STK32A: variants seen among roughly 807,000 people sequenced by gnomAD.
STK32A encodes the protein serine/threonine kinase 32A.
In STK32A, 41 loss-of-function variants were observed where a neutral mutation model predicts 53.2. That is an observed-to-expected ratio of 0.77 (90% CI 0.60 to 1.00). The LOEUF is 1.00. STK32A is among the 50% of genes least tolerant of loss of function. The probability of loss-of-function intolerance (pLI) is 0.00; values close to 1 mark genes in which losing one functional copy is unlikely to be tolerated. For missense variants in STK32A, 458 were observed against 485.8 expected (o/e 0.94, Z 0.54); for synonymous variants, 166 against 162.8 (o/e 1.02, Z -0.15).
At chr5:147,352,664 A>T (rs1756039139) in intron 7 of STK32A, among the ~76,000 whole-genome samples, 1 of 152,220 alleles carries the variant, frequency 6.6e-6, no homozygotes, top group Non-Finnish European at 1.5e-5. Context: ...GAGTGACTGC[A>T]AGAAAAGATA....
At chr5:147,311,550 C>G (rs1258322722) in intron 4 of STK32A, among the ~76,000 whole-genome samples, 1 of 152,040 alleles carries the variant, frequency 6.6e-6, no homozygotes, top group Admixed American at 6.5e-5. Flanking sequence ...AGCCATCTGC[C>G]ACTAGATTTC....
intron 5 of STK32A, among the ~76,000 whole-genome samples, chr5:147,331,512 A>G (rs1754871816): frequency 6.6e-6 from 1 of 152,184 alleles, no homozygotes; most frequent in Admixed American, 6.5e-5. Context: ...AGTGCTGTTT[A>G]CCAAATAGCA....
intron 2 of STK32A, among the ~76,000 whole-genome samples, chr5:147,274,798 C>A (rs542748897): frequency 6.6e-6 from 1 of 152,010 alleles, no homozygotes; most frequent in African/African-American, 2.4e-5. Context: ...GAAGCATAGA[C>A]GTAAATTTCC....
chr5:147,365,130 C>T (rs939956260), intron 8 of STK32A, among the ~76,000 whole-genome samples: 2 of 152,110 alleles, frequency 1.3e-5, no homozygotes, highest in African/African-American at 4.8e-5. Flanking sequence ...ATTAAAAATG[C>T]CATCTCCCAA....
At chr5:147,266,458 T>C (rs1349060112) in intron 2 of STK32A, among the ~76,000 whole-genome samples, 3 of 152,234 alleles carry the variant, frequency 2.0e-5, no homozygotes, top group African/African-American at 7.2e-5. Context: ...TAAATGATGA[T>C]GTGCTAAGAA....
intron 2 of STK32A, among the ~76,000 whole-genome samples, chr5:147,273,846 G>C (rs1561684972): frequency 6.6e-6 from 1 of 151,946 alleles, no homozygotes; most frequent in Non-Finnish European, 1.5e-5. Context: ...TCACTATACT[G>C]GTTATAACCA....
At chr5:147,337,644 G>A (rs1220318738) in intron 5 of STK32A, among the ~76,000 whole-genome samples, 1 of 151,968 alleles carries the variant, frequency 6.6e-6, no homozygotes, top group Non-Finnish European at 1.5e-5. Flanking sequence ...TGAGTCCAGG[G>A]GCTGCTGCAT....
chr5:147,269,747 C>G (rs1403902225), intron 2 of STK32A, among the ~76,000 whole-genome samples: 1 of 152,070 alleles, frequency 6.6e-6, no homozygotes, highest in Non-Finnish European at 1.5e-5. Flanking sequence ...CTATATAGTG[C>G]ACTGGAATTT....
intron 5 of STK32A, among the ~76,000 whole-genome samples, chr5:147,327,332 A>G (rs895292419): frequency 2.0e-5 from 3 of 152,222 alleles, no homozygotes; most frequent in African/African-American, 7.2e-5. Context: ...AAGATAACAA[A>G]ACACCTTTTA....
At chr5:147,390,128 T>C (rs1025731382), downstream of STK32A, among the ~76,000 whole-genome samples, 4 of 152,196 alleles carry the variant, frequency 2.6e-5, no homozygotes, top group Admixed American at 2.6e-4. Context: ...CAGCAGTGTT[T>C]CCCTCAAAAG....
At chr5:147,241,321 T>A (rs1753563603) in intron 2 of STK32A, among the ~76,000 whole-genome samples, 1 of 151,848 alleles carries the variant, frequency 6.6e-6, no homozygotes, top group African/African-American at 2.4e-5. Context: ...TACTAAAAAA[T>A]ACAAAAAATT....
chr5:147,311,460 C>T (rs1224746492), intron 4 of STK32A, among the ~76,000 whole-genome samples: 1 of 152,070 alleles, frequency 6.6e-6, no homozygotes, highest in Non-Finnish European at 1.5e-5. Flanking sequence ...ATGAGCAGGG[C>T]ACAAAATTCT....
intron 7 of STK32A, among the ~76,000 whole-genome samples, chr5:147,354,430 C>A (rs1012600749): frequency 1.3e-5 from 2 of 152,104 alleles, no homozygotes. Flanking sequence ...GTTTTAAGTA[C>A]AATATCTGTA....
chr5:147,395,771 G>A, the STK32A span: 6 of 1,604,682 alleles, frequency 3.7e-6, no homozygotes, highest in Non-Finnish European at 4.2e-6. Flanking sequence ...GCATTTTAGG[G>A]TCTGTTCTAG....
intron 2 of STK32A, among the ~76,000 whole-genome samples, chr5:147,277,137 T>G (rs986346): frequency 0.85 from 129,510 of 152,146 alleles, 55,566 homozygotes; most frequent in African/African-American, 0.94. Context: ...GAAAAACTAG[T>G]TCTTTTAAAG....
intron 8 of STK32A, among the ~76,000 whole-genome samples, chr5:147,369,555 A>T (rs771903252): frequency 1.4e-4 from 21 of 152,216 alleles, no homozygotes; most frequent in African/African-American, 2.4e-5. Flanking sequence ...TAACAAGCTC[A>T]GAAATTGAGT....
chr5:147,275,701 A>G (rs1018015081), intron 2 of STK32A, among the ~76,000 whole-genome samples: 2 of 152,126 alleles, frequency 1.3e-5, no homozygotes, highest in Non-Finnish European at 2.9e-5. Flanking sequence ...TTCAGACAGT[A>G]CGGCACTAGA....
At chr5:147,291,431 AGCTACTGTT>A (rs1752593617) in intron 4 of STK32A, among the ~76,000 whole-genome samples, 1 of 152,154 alleles carries the variant, frequency 6.6e-6, no homozygotes, top group East Asian at 1.9e-4. Flanking sequence ...TAATTTATGT[AGCTACTGTT>A]GCTTGTGGGA....
chr5:147,244,004 A>T (rs1753685825), intron 2 of STK32A, among the ~76,000 whole-genome samples: 1 of 152,140 alleles, frequency 6.6e-6, no homozygotes, highest in African/African-American at 2.4e-5. Context: ...CTCTTCTCGA[A>T]TTGAAACTTT....
Sources: gnomAD v4.1 joint callset for allele counts (sites outside exome capture counted in the v4.1 genomes callset) on GRCh38, gnomAD v4.1.1 for gene constraint, MANE v1.5 for transcripts, NCBI Gene and HGNC (gene_info 2026-07-23, HGNC 2026-07-21) for gene names.